PTCD2: variants seen among roughly 807,000 people sequenced by gnomAD.
The protein encoded by PTCD2 is pentatricopeptide repeat-containing protein 2, mitochondrial.
Under a neutral mutation model 42.6 loss-of-function variants are expected in PTCD2, and 31 were observed. The ratio of observed to expected loss-of-function variants is 0.73; its 90% CI spans 0.55 to 0.98. PTCD2 has a LOEUF of 0.98. Ranked by LOEUF, PTCD2 falls within the 50% of genes least tolerant of loss-of-function variation. The probability of loss-of-function intolerance (pLI) is 0.00; values close to 1 mark genes in which losing one functional copy is unlikely to be tolerated. For missense variants in PTCD2, 476 were observed against 454.8 expected (o/e 1.05, Z -0.42); for synonymous variants, 183 against 170.9 (o/e 1.07, Z -0.55).
chr5:72,358,068 T>C, intron 9 of PTCD2, 135 bp from the exon 10 acceptor site: 1 of 759,458 alleles, frequency 1.3e-6, no homozygotes, highest in Middle Eastern at 2.9e-4. Flanking sequence ...CAAAATTGCT[T>C]AGATTAAAGC....
At position 72,359,513 on chromosome 5, in the gene PTCD2, GGTT is replaced by G. The variant is rs1295184028; in HGVS notation, c.*1093_*1095del. On this transcript the variant is annotated 3_prime_UTR_variant, in exon 10 of 10. Transcript: ENST00000380639. ...CCTCCAAAACTAAGACTGTTCACTT[GGTT>G]GTTGTTCTAAGGCAAGGATTATAGA... 3.3e-5 allele frequency: 5 copies of G among 152,288 alleles called. No individual in the cohort carries two copies. The highest frequency in any genetic ancestry group is 1.2e-4 in the African/African-American group (5 of 41,564). The allele number at this position is 152,288 out of a possible 1,614,324, so 9.4% of individuals were successfully genotyped here.
rs890008137 is a variant in PTCD2 at position 72,346,497 on chromosome 5, T to C, written c.828+3461T>C. 3.3e-5 allele frequency among the ~76,000 whole-genome samples: 5 copies of C among 152,166 alleles called. No homozygotes were observed. In the South Asian group the frequency reaches 8.3e-4, roughly 25 times the overall value. ...CTGCTGCAGGTAGCTCCTGTTCATC[T>C]TGGGGGCTGAAGCAGAAACTACAGG... On this transcript the variant is annotated intron_variant, in intron 8 of 9. Transcript: ENST00000380639.
chr5:72,333,564 C>T (rs1391836825), intron 4 of PTCD2, among the ~76,000 whole-genome samples: 1 of 152,096 alleles, frequency 6.6e-6, no homozygotes, highest in African/African-American at 2.4e-5. Context: ...CATTTAATGA[C>T]ACATTTGAAT....
In PTCD2 at chr5:72,368,263, A is replaced by G. The variant is rs566866648; in HGVS notation, c.*9836A>G. ...GTAGCAAATTTCCTGACCCCATTTT[A>G]AAGGTTCTGAGACAGATAGGCGGAA... is the stretch of plus-strand genomic sequence containing the variant. On this transcript the variant is annotated 3_prime_UTR_variant, in exon 10 of 10. Coordinates refer to ENST00000380639, the MANE Select transcript of PTCD2 (RefSeq NM_024754.5). 6.6e-6 allele frequency: 1 copy of G among 152,304 alleles called. No homozygotes were observed. The highest frequency in any genetic ancestry group is 2.4e-5 in the African/African-American group (1 of 41,566). The allele number at this position is 152,304 out of a possible 1,614,324, so 9.4% of individuals were successfully genotyped here.
chr5:72,330,913 G>A (rs1257457406), intron 3 of PTCD2, among the ~76,000 whole-genome samples: 1 of 152,152 alleles, frequency 6.6e-6, no homozygotes, highest in Admixed American at 6.5e-5. Flanking sequence ...CCATTCTGAT[G>A]CACTTACAGA....
At position 72,359,210 on chromosome 5, in the gene PTCD2, A is replaced by G. The variant is rs1285795788; in HGVS notation, c.*783A>G. ...ATAATGCTTTGGTTTCTATGTGGAT[A>G]ATAAATATTTAGTCCTATAGTTTAT... On this transcript the variant is annotated 3_prime_UTR_variant, in exon 10 of 10. Coordinates refer to ENST00000380639, the MANE Select transcript of PTCD2 (RefSeq NM_024754.5). 6.6e-6 allele frequency: 1 copy of G among 152,228 alleles called. No individual in the cohort carries two copies. Among genetic ancestry groups the G allele is most frequent in the East Asian group, 1.9e-4 (1 of 5,204 alleles). 9.4% of individuals were successfully genotyped at this position (152,228 alleles called of 1,614,324 possible).
chr5:72,346,519 C>G (rs983377508), intron 8 of PTCD2, among the ~76,000 whole-genome samples: 2 of 152,192 alleles, frequency 1.3e-5, no homozygotes, highest in African/African-American at 4.8e-5. Flanking sequence ...GCAGAAACTA[C>G]AGGTCTGAGC....
chr5:72,344,452 G>C (rs990331888), intron 8 of PTCD2, among the ~76,000 whole-genome samples: 1 of 152,162 alleles, frequency 6.6e-6, no homozygotes, highest in Non-Finnish European at 1.5e-5. Context: ...GGCAGAGGTT[G>C]CAGTGAGCCA....
rs150006475 is a variant in PTCD2, at chr5:72,335,834, G to C, written c.588G>C (p.Val196=). 2 of 1,613,990 alleles carry C rather than the reference G, an allele frequency of 1.2e-6. No homozygotes were observed. The highest frequency in any genetic ancestry group is 2.2e-5 in the South Asian group (2 of 91,076). The change falls in exon 6 of 10, where the codon GTG becomes GTC. Residue 196 remains valine (V), a synonymous_variant. Coordinates refer to ENST00000380639, the MANE Select transcript of PTCD2 (RefSeq NM_024754.5). ...TGATAGAGATGAAAAACCAAGATGT[G>C]AAGTTCACCAAAGATACCTATGTTC... is the stretch of plus-strand genomic sequence containing the variant. ...QVLIEMKNQD[V]KFTKDTYVLA... is the part of the protein sequence containing the mutation.
chr5:72,326,386 T>C (rs574315933), intron 2 of PTCD2, among the ~76,000 whole-genome samples: 1 of 152,328 alleles, frequency 6.6e-6, no homozygotes, highest in South Asian at 2.1e-4. Flanking sequence ...TAGAGAGTCT[T>C]GAGTGGGCCT....
At chr5:72,320,546 A>T in intron 1 of PTCD2, 37 bp downstream of exon 1, 1 of 1,611,268 alleles carries the variant, frequency 6.2e-7, no homozygotes, top group Non-Finnish European at 8.5e-7. Context: ...GAGGGGAGGG[A>T]TGGGAGAGAA....
chr5:72,356,578 C>CT (rs1752884888), intron 9 of PTCD2, among the ~76,000 whole-genome samples: 1 of 152,200 alleles, frequency 6.6e-6, no homozygotes, highest in South Asian at 2.1e-4. Flanking sequence ...AGACTATAAA[C>CT]TATCATAGGT....
At chr5:72,346,202 G>T (rs911565648) in intron 8 of PTCD2, among the ~76,000 whole-genome samples, 1 of 152,168 alleles carries the variant, frequency 6.6e-6, no homozygotes, top group Non-Finnish European at 1.5e-5. Flanking sequence ...AAATGGGTTT[G>T]TAATGGAAGA....
At chr5:72,336,024 T>A in intron 6 of PTCD2, 139 bp downstream of exon 6, 1 of 597,694 alleles carries the variant, frequency 1.7e-6, no homozygotes, top group Non-Finnish European at 2.9e-6. Context: ...TAAATGTTTT[T>A]ATTTTTAGAA....
At chr5:72,334,133 T>C (rs1254055932) in intron 4 of PTCD2, among the ~76,000 whole-genome samples, 1 of 152,188 alleles carries the variant, frequency 6.6e-6, no homozygotes, top group African/African-American at 2.4e-5. Flanking sequence ...CCCAAAGTAC[T>C]GGGATTACAG....
At chr5:72,340,034 T>C (rs1305274617) in intron 7 of PTCD2, among the ~76,000 whole-genome samples, 1 of 152,238 alleles carries the variant, frequency 6.6e-6, no homozygotes, top group Non-Finnish European at 1.5e-5. Flanking sequence ...AATATGATGC[T>C]AATCTTTTAA....
rs1219998351 is a variant in PTCD2 at position 72,330,173 on chromosome 5, C to T, written c.351-1085C>T. Reference sequence around the variant, plus strand: ...GCCAAGATGGTCTCGATCTCCTGACCTCATAATCCGCCTGGTTCGGCCTCC... The same window carrying T: ...GCCAAGATGGTCTCGATCTCCTGACTTCATAATCCGCCTGGTTCGGCCTCC... On this transcript the variant is annotated intron_variant, in intron 3 of 9. Coordinates refer to ENST00000380639, the MANE Select transcript of PTCD2 (RefSeq NM_024754.5). Among the ~76,000 whole-genome samples the T allele has an allele frequency of 3.3e-5, 5 of 151,926 alleles. No homozygotes were observed. The South Asian group carries it at 1.0e-3, about 32-fold the overall frequency.
chr5:72,325,009 G>A (rs1182933107), intron 2 of PTCD2, among the ~76,000 whole-genome samples: 1 of 151,190 alleles, frequency 6.6e-6, no homozygotes, highest in Non-Finnish European at 1.5e-5. Context: ...TGCAACCTCT[G>A]CCTCCCAGGT....
At chr5:72,352,512 A>G in intron 8 of PTCD2, 129 bp from the exon 9 acceptor site, 1 of 526,674 alleles carries the variant, frequency 1.9e-6, no homozygotes, top group Non-Finnish European at 3.4e-6. Context: ...TTGTGTAAGC[A>G]AATAAATTAG....
Sources: gnomAD v4.1 joint callset for allele counts (sites outside exome capture counted in the v4.1 genomes callset) on GRCh38, gnomAD v4.1.1 for gene constraint, MANE v1.5 for transcripts, NCBI Gene and HGNC (gene_info 2026-07-23, HGNC 2026-07-21) for gene names.